SPTLC2: variants seen among roughly 807,000 people sequenced by gnomAD.
SPTLC2 encodes the protein serine palmitoyltransferase long chain base subunit 2.
SPTLC2 carries 21 observed loss-of-function variants against 62.0 expected under a neutral mutation model. That is an observed-to-expected ratio of 0.34 (90% CI 0.24 to 0.49). The LOEUF (loss-of-function observed/expected upper bound fraction) is 0.49. Ranked by LOEUF, SPTLC2 falls within the 20% of genes least tolerant of loss-of-function variation. SPTLC2 has a pLI of 0.99. For synonymous variants in SPTLC2, 261 were observed against 261.8 expected (o/e 1.00, Z 0.03); for missense variants, 511 against 713.0 (o/e 0.72, Z 3.23).
chr14:77,583,030 T>A (rs770604080), intron 2 of SPTLC2, among the ~76,000 whole-genome samples: 2 of 151,924 alleles, frequency 1.3e-5, no homozygotes, highest in Non-Finnish European at 2.9e-5. Context: ...TGAAACTCTG[T>A]CACTACAAAA....
At chr14:77,558,560 T>C (rs1490632323) in intron 6 of SPTLC2, among the ~76,000 whole-genome samples, 2 of 151,886 alleles carry the variant, frequency 1.3e-5, no homozygotes, top group East Asian at 3.9e-4. Flanking sequence ...TACGACCTAA[T>C]CAAGATTCAG....
chr14:77,602,466 T>C (rs1328658020), intron 1 of SPTLC2, among the ~76,000 whole-genome samples: 1 of 152,180 alleles, frequency 6.6e-6, no homozygotes, highest in Admixed American at 6.5e-5. Flanking sequence ...CCAGATAGAA[T>C]TAGTAATGAC....
intron 9 of SPTLC2, among the ~76,000 whole-genome samples, chr14:77,530,039 A>C (rs1226987240): frequency 6.6e-6 from 1 of 152,186 alleles, no homozygotes; most frequent in Non-Finnish European, 1.5e-5. Context: ...ATATTAATTT[A>C]AATTAAGAAT....
intron 2 of SPTLC2, among the ~76,000 whole-genome samples, chr14:77,594,957 C>T (rs965689941): frequency 6.6e-6 from 1 of 152,166 alleles, no homozygotes; most frequent in African/African-American, 2.4e-5. Context: ...AACTACAATA[C>T]TGTACAACCT....
At chr14:77,576,506 T>C (rs924768031) in intron 4 of SPTLC2, among the ~76,000 whole-genome samples, 1 of 152,188 alleles carries the variant, frequency 6.6e-6, no homozygotes, top group African/African-American at 2.4e-5. Context: ...ACATTAAAGT[T>C]ATAAATGAAA....
intron 5 of SPTLC2, among the ~76,000 whole-genome samples, chr14:77,566,518 T>G (rs779311973): frequency 6.6e-6 from 1 of 152,102 alleles, no homozygotes; most frequent in Admixed American, 6.5e-5. Flanking sequence ...CAGGCTGGAG[T>G]GCATCGGCGC....
intron 9 of SPTLC2, among the ~76,000 whole-genome samples, chr14:77,548,202 C>T (rs1047210399): frequency 6.6e-6 from 1 of 152,076 alleles, no homozygotes; most frequent in Non-Finnish European, 1.5e-5. Context: ...GTCATTCTGG[C>T]TTAACATTCA....
chr14:77,556,917 A>G (rs2079587220), intron 7 of SPTLC2, 124 bp downstream of exon 7: 1 of 746,610 alleles, frequency 1.3e-6, no homozygotes, highest in African/African-American at 1.7e-5. Context: ...CAGGTATTTT[A>G]GCGACTTATA....
intron 9 of SPTLC2, among the ~76,000 whole-genome samples, chr14:77,549,048 A>G (rs1172541854): frequency 2.0e-5 from 3 of 152,188 alleles, no homozygotes; most frequent in African/African-American, 7.2e-5. Flanking sequence ...TGTCCATCTC[A>G]GGATGGAATG....
intron 1 of SPTLC2, among the ~76,000 whole-genome samples, chr14:77,615,914 T>A (rs1358854327): frequency 6.6e-6 from 1 of 152,190 alleles, no homozygotes; most frequent in Non-Finnish European, 1.5e-5. Context: ...TATGGACCAA[T>A]GTCCTGGTTG....
chr14:77,525,205 G>A (rs984847548), intron 9 of SPTLC2, among the ~76,000 whole-genome samples: 1 of 152,146 alleles, frequency 6.6e-6, no homozygotes, highest in African/African-American at 2.4e-5. Flanking sequence ...AGGATCTCTT[G>A]AGTCAGGAGT....
Position 77,521,738 on chromosome 14 carries a change from A to T in SPTLC2, c.1304-157T>A, listed in dbSNP as rs1002680879. 68 of 693,810 alleles carry T rather than the reference A, an allele frequency of 9.8e-5. 1 individual carries two copies. The South Asian group carries it at 1.1e-3, about 11-fold the overall frequency. 43.0% of individuals were successfully genotyped at this position (693,810 alleles called of 1,614,324 possible). A position where few individuals can be genotyped will look rare whatever the true frequency, so the allele number is the denominator to read the frequency against. On this transcript the variant is annotated intron_variant, in intron 9 of 11. Transcript: ENST00000216484. Reference sequence around the variant, plus strand: ...TTTTACAGAGTAAACCATATGGAATATAAATGTAAAATGTCTCATTTTGTA... The same window carrying T: ...TTTTACAGAGTAAACCATATGGAATTTAAATGTAAAATGTCTCATTTTGTA...
intron 9 of SPTLC2, among the ~76,000 whole-genome samples, chr14:77,540,227 A>G (rs932563107): frequency 2.1e-5 from 3 of 144,096 alleles, no homozygotes; most frequent in Non-Finnish European, 4.6e-5. Context: ...AAAAAAAAAA[A>G]GTAATAAGAA....
In SPTLC2 at chr14:77,534,588, T is replaced by TACACACAC. The variant is rs1555373993; in HGVS notation, c.1304-13015_1304-13008dup. On this transcript the variant is annotated intron_variant, in intron 9 of 11. Transcript: ENST00000216484. ...ATAATAAACATTTCACATATTTCAG[T>TACACACAC]ACACACACACACACACATATGCTAA... Among the ~76,000 whole-genome samples, 826 of 141,090 alleles carry TACACACAC rather than the reference T, an allele frequency of 5.9e-3. 4 individuals are homozygous for TACACACAC. The highest frequency in any genetic ancestry group is 7.8e-3 in the Non-Finnish European group (514 of 65,706). The allele number at this position is 141,090 out of a possible 152,430, so 92.6% of individuals were successfully genotyped here.
At chr14:77,515,774 C>T (rs1418445516) in intron 11 of SPTLC2, among the ~76,000 whole-genome samples, 4 of 152,076 alleles carry the variant, frequency 2.6e-5, no homozygotes, top group Non-Finnish European at 4.4e-5. Context: ...TGATCTCAAA[C>T]GCCTGACCTC....
At chr14:77,601,020 T>C (rs1367300733) in intron 1 of SPTLC2, among the ~76,000 whole-genome samples, 4 of 152,158 alleles carry the variant, frequency 2.6e-5, no homozygotes, top group African/African-American at 7.2e-5. Context: ...AAGACTAAAA[T>C]TGTCTCGAAG....
intron 8 of SPTLC2, among the ~76,000 whole-genome samples, chr14:77,553,409 T>C (rs757066903): frequency 8.8e-4 from 134 of 152,162 alleles, no homozygotes; most frequent in Admixed American, 4.1e-3. Flanking sequence ...CTGGTCCCAT[T>C]AACAAAAAGG....
At chr14:77,605,837 G>A (rs942703873) in intron 1 of SPTLC2, among the ~76,000 whole-genome samples, 1 of 152,208 alleles carries the variant, frequency 6.6e-6, no homozygotes, top group Non-Finnish European at 1.5e-5. Context: ...TAAAGCTAGA[G>A]GGAGTGGCCT....
At chr14:77,594,000 T>A (rs868259040) in intron 2 of SPTLC2, among the ~76,000 whole-genome samples, 3 of 152,206 alleles carry the variant, frequency 2.0e-5, no homozygotes, top group Admixed American at 2.0e-4. Flanking sequence ...TGTTATCTAC[T>A]GGGAATATTC....
Sources: allele counts gnomAD v4.1 joint callset (sites outside exome capture counted in the v4.1 genomes callset), GRCh38; gene constraint gnomAD v4.1.1; transcripts MANE v1.5; gene names NCBI Gene and HGNC (gene_info 2026-07-23, HGNC 2026-07-21).